The following FHIT variants were observed in gnomAD, a reference collection of about 807,000 sequenced individuals.
The protein encoded by FHIT is fragile histidine triad diadenosine triphosphatase, also known as bis(5'-adenosyl)-triphosphatase.
Under a neutral mutation model 17.9 loss-of-function variants are expected in FHIT, and 19 were observed. That is an observed-to-expected ratio of 1.06 (90% CI 0.74 to 1.56). The LOEUF is 1.56. Among genes scored for constraint, FHIT ranks in the 40% most tolerant of loss-of-function variants. The pLI is 0.00. For missense variants in FHIT, 248 were observed against 189.2 expected, an observed-to-expected ratio of 1.31 and a Z score of -1.82; for synonymous variants, 81 against 69.7, an observed-to-expected ratio of 1.16 and a Z score of -0.81.
chr3:60,156,345 G>C (rs942489700), intron 5 of FHIT, among the ~76,000 whole-genome samples: 2 of 145,068 alleles, frequency 1.4e-5, no homozygotes, highest in African/African-American at 5.3e-5. Context: ...GTGAGACTCT[G>C]TCTCAAAAAA....
chr3:60,756,347 G>A (rs954213821), intron 4 of FHIT, among the ~76,000 whole-genome samples: 1 of 152,096 alleles, frequency 6.6e-6, no homozygotes, highest in Non-Finnish European at 1.5e-5. Context: ...GAAGCTCGAA[G>A]TACTAACAAA....
At chr3:61,109,407 G>A (rs948475073) in intron 2 of FHIT, among the ~76,000 whole-genome samples, 1 of 152,138 alleles carries the variant, frequency 6.6e-6, no homozygotes, top group Non-Finnish European at 1.5e-5. Context: ...AGGGAATCAA[G>A]GCCCTTTGTT....
intron 4 of FHIT, among the ~76,000 whole-genome samples, chr3:60,748,414 G>T (rs2042400575): frequency 6.6e-6 from 1 of 152,120 alleles, no homozygotes; most frequent in Non-Finnish European, 1.5e-5. Context: ...ATGGGGAATT[G>T]GTTCCAGGAC....
chr3:60,044,168 C>T (rs996357819), intron 5 of FHIT, among the ~76,000 whole-genome samples: 1 of 152,110 alleles, frequency 6.6e-6, no homozygotes, highest in Non-Finnish European at 1.5e-5. Context: ...CCAAGTAAAA[C>T]CCTAAAATCA....
intron 2 of FHIT, among the ~76,000 whole-genome samples, chr3:61,071,031 AAT>A (rs1357224003): frequency 2.1e-4 from 32 of 152,206 alleles, no homozygotes; most frequent in African/African-American, 7.2e-4. Context: ...TACAAAGTCA[AAT>A]ATGATTTCAG....
chr3:59,809,744 T>C (rs899301453), intron 8 of FHIT, among the ~76,000 whole-genome samples: 1 of 152,160 alleles, frequency 6.6e-6, no homozygotes, highest in African/African-American at 2.4e-5. Flanking sequence ...GAAGAGAAGA[T>C]TGGCCTCAGA....
chr3:59,798,095 C>T (rs1308367093), intron 8 of FHIT, among the ~76,000 whole-genome samples: 1 of 152,196 alleles, frequency 6.6e-6, no homozygotes, highest in Non-Finnish European at 1.5e-5. Context: ...AGCCACCCTA[C>T]TGGGAAACAT....
chr3:60,177,607 T>C (rs546484727), intron 5 of FHIT, among the ~76,000 whole-genome samples: 3 of 152,324 alleles, frequency 2.0e-5, no homozygotes, highest in Admixed American at 6.5e-5. Flanking sequence ...TTATTGAAAG[T>C]GGCAGCTTTA....
intron 2 of FHIT, among the ~76,000 whole-genome samples, chr3:61,097,487 GA>G (rs2035678985): frequency 6.6e-6 from 1 of 152,174 alleles, no homozygotes; most frequent in African/African-American, 2.4e-5. Flanking sequence ...TTGCTGGGTT[GA>G]ATGGTAGTTC....
At position 60,958,763 on chromosome 3, in the gene FHIT, T is replaced by C. The variant is rs150335475; in HGVS notation, c.-111+83284A>G. Among the ~76,000 whole-genome samples, 47 of 152,286 alleles carry C rather than the reference T, an allele frequency of 3.1e-4. 1 individual carries two copies. Among genetic ancestry groups the C allele is most frequent in the Admixed American group, 1.2e-3 (19 of 15,290 alleles). Reference sequence around the variant, plus strand: ...CACTTGACCCTAAGTTATGACAGATTAACTTTAAAAGACAATGTTTTATCT... The same window carrying C: ...CACTTGACCCTAAGTTATGACAGATCAACTTTAAAAGACAATGTTTTATCT... On this transcript the variant is annotated intron_variant, in intron 3 of 9. Transcript: ENST00000492590.
At chr3:60,240,955 A>C (rs1435692104) in intron 5 of FHIT, among the ~76,000 whole-genome samples, 1 of 152,210 alleles carries the variant, frequency 6.6e-6, no homozygotes, top group Admixed American at 6.5e-5. Context: ...GGAATTAAGG[A>C]AACTATTTCA....
intron 4 of FHIT, among the ~76,000 whole-genome samples, chr3:60,632,084 GT>G (rs142879488): frequency 0.7 from 103,842 of 149,214 alleles, 36,609 homozygotes; most frequent in South Asian, 0.83. Context: ...GGAAAGAAGT[GT>G]TTTTTTTTTG....
At chr3:61,072,214 C>A (rs1444345170) in intron 2 of FHIT, among the ~76,000 whole-genome samples, 2 of 152,152 alleles carry the variant, frequency 1.3e-5, no homozygotes, top group Non-Finnish European at 2.9e-5. Flanking sequence ...TTCTCCCTCC[C>A]CTTCCTTTCT....
At chr3:60,612,559 C>T (rs2038819224) in intron 4 of FHIT, among the ~76,000 whole-genome samples, 1 of 152,154 alleles carries the variant, frequency 6.6e-6, no homozygotes, top group South Asian at 2.1e-4. Context: ...AAAGGTATAT[C>T]TATTGCTTAA....
chr3:60,895,010 A>G (rs1297297904), intron 3 of FHIT, among the ~76,000 whole-genome samples: 1 of 152,154 alleles, frequency 6.6e-6, no homozygotes, highest in Non-Finnish European at 1.5e-5. Context: ...CGTAGTCCAT[A>G]TTTACTTTTC....
intron 3 of FHIT, among the ~76,000 whole-genome samples, chr3:60,938,785 G>C (rs760682888): frequency 6.6e-6 from 1 of 152,122 alleles, no homozygotes. Context: ...AGGAGGTCCC[G>C]TCCCCTCCAA....
At chr3:60,525,787 G>A (rs954767482) in intron 5 of FHIT, among the ~76,000 whole-genome samples, 3 of 152,146 alleles carry the variant, frequency 2.0e-5, no homozygotes, top group African/African-American at 7.2e-5. Context: ...AGGCAGAGTG[G>A]TCTTAGGTAT....
At chr3:60,003,669 C>A (rs1209956859) in intron 7 of FHIT, among the ~76,000 whole-genome samples, 1 of 151,234 alleles carries the variant, frequency 6.6e-6, no homozygotes, top group African/African-American at 2.4e-5. Flanking sequence ...TATTTGAACC[C>A]GGGAGGCAGA....
At chr3:60,086,391 A>G (rs917247125) in intron 5 of FHIT, among the ~76,000 whole-genome samples, 7 of 152,180 alleles carry the variant, frequency 4.6e-5, no homozygotes, top group Admixed American at 2.6e-4. Flanking sequence ...AAACCCATGT[A>G]CTTCTCACAT....
Sources: gnomAD v4.1 joint callset for allele counts (sites outside exome capture counted in the v4.1 genomes callset) on GRCh38, gnomAD v4.1.1 for gene constraint, MANE v1.5 for transcripts, NCBI Gene and HGNC (gene_info 2026-07-23, HGNC 2026-07-21) for gene names.